The following THSD7B variants were observed in gnomAD, a reference collection of about 807,000 sequenced individuals.
THSD7B encodes thrombospondin type-1 domain-containing protein 7B.
Under a neutral mutation model 213.6 loss-of-function variants are expected in THSD7B, and 138 were observed. The observed-to-expected ratio is 0.65, with a 90% CI of 0.56 to 0.74. The LOEUF (loss-of-function observed/expected upper bound fraction) is 0.74, where lower values mean the gene tolerates loss of function less well. Ranked by LOEUF, THSD7B falls within the 30% of genes least tolerant of loss-of-function variation. The probability of loss-of-function intolerance (pLI) is 0.00; values close to 1 mark genes in which losing one functional copy is unlikely to be tolerated. For synonymous variants in THSD7B, 742 were observed against 687.0 expected (o/e 1.08, Z -1.25); for missense variants, 1,931 against 1,991.5 (o/e 0.97, Z 0.58).
rs564521179 is a variant in THSD7B, at chr2:137,487,497, C to T, written c.3138+36474C>T. On this transcript the variant is annotated intron_variant, in intron 15 of 27. Transcript: ENST00000409968. ...CTGAAGGAAATAGAGACACAAAAAACCCTTCAAAAATTTAATGAATCCAGG... is the reference window on the plus strand; with the variant it reads ...CTGAAGGAAATAGAGACACAAAAAATCCTTCAAAAATTTAATGAATCCAGG... Among the ~76,000 whole-genome samples, 360 of 150,140 alleles carry T rather than the reference C, an allele frequency of 2.4e-3. 1 individual carries two copies. Among genetic ancestry groups the T allele is most frequent in the Middle Eastern group, 6.9e-3 (2 of 290 alleles).
intron 27 of THSD7B, among the ~76,000 whole-genome samples, chr2:137,675,095 C>G (rs997583410): frequency 1.3e-5 from 2 of 151,940 alleles, no homozygotes; most frequent in Non-Finnish European, 2.9e-5. Context: ...AGACCAGATA[C>G]AGCATGATTC....
At chr2:136,860,358 C>A (rs149959761) in intron 1 of THSD7B, among the ~76,000 whole-genome samples, 1 of 152,220 alleles carries the variant, frequency 6.6e-6, no homozygotes, top group East Asian at 1.9e-4. Context: ...AAATTTATGT[C>A]ACCAGCCCAA....
chr2:137,096,366 G>GCCTGGCTCTTCCTGAAA (rs1688039874), intron 4 of THSD7B, among the ~76,000 whole-genome samples: 1 of 152,212 alleles, frequency 6.6e-6, no homozygotes, highest in African/African-American at 2.4e-5. Context: ...GTGGGCTGCA[G>GCCTGGCTCTTCCTGAAA]CCTGGCTCTT....
At chr2:137,235,734 G>A (rs892466767) in intron 9 of THSD7B, among the ~76,000 whole-genome samples, 6 of 152,144 alleles carry the variant, frequency 3.9e-5, no homozygotes, top group Non-Finnish European at 8.8e-5. Context: ...ACATAAGTGA[G>A]ACTAAAATAT....
At chr2:137,621,737 G>A (rs935805276) in intron 20 of THSD7B, among the ~76,000 whole-genome samples, 6 of 152,184 alleles carry the variant, frequency 3.9e-5, no homozygotes, top group Non-Finnish European at 7.4e-5. Context: ...CTGGTACACT[G>A]TTAGTACATC....
At chr2:136,787,767 T>C (rs1220081254) in intron 1 of THSD7B, among the ~76,000 whole-genome samples, 1 of 152,130 alleles carries the variant, frequency 6.6e-6, no homozygotes, top group African/African-American at 2.4e-5. Context: ...GTGATTTGCT[T>C]TATCCAGTGA....
In THSD7B at chr2:137,260,727, T is replaced by G. The variant is rs116787049; in HGVS notation, c.2267-11806T>G. ...ATGCAGTGAGTTATGATCTTGCCAC[T>G]GCATTCCAGCCTAGGTGACAGAGTG... is the stretch of plus-strand genomic sequence containing the variant. On this transcript the variant is annotated intron_variant, in intron 10 of 27. Coordinates refer to ENST00000409968, the MANE Select transcript of THSD7B (RefSeq NM_001316349.2). 2.9e-3 allele frequency among the ~76,000 whole-genome samples: 438 copies of G among 152,322 alleles called. 3 individuals carry two copies. Among genetic ancestry groups the G allele is most frequent in the African/African-American group, 0.01 (424 of 41,576 alleles).
At chr2:136,812,538 C>A (rs990097042) in intron 1 of THSD7B, among the ~76,000 whole-genome samples, 1 of 152,138 alleles carries the variant, frequency 6.6e-6, no homozygotes, top group African/African-American at 2.4e-5. Context: ...ATAATAAGAA[C>A]TACTATTTAT....
chr2:137,120,630 C>A (rs1330949170), intron 5 of THSD7B, among the ~76,000 whole-genome samples: 1 of 152,134 alleles, frequency 6.6e-6, no homozygotes, highest in Admixed American at 6.6e-5. Flanking sequence ...TATCTTGAAC[C>A]TACACACTAA....
Position 137,112,363 on chromosome 2 carries a change from T to TAA in THSD7B, c.1200-2752_1200-2751dup, listed in dbSNP as rs35106366. Among the ~76,000 whole-genome samples the TAA allele has an allele frequency of 5.9e-4, 88 of 150,136 alleles. 1 individual carries two copies. The highest frequency in any genetic ancestry group is 1.5e-3 in the Admixed American group (22 of 15,132). On this transcript the variant is annotated intron_variant, in intron 4 of 27. Coordinates refer to ENST00000409968, the MANE Select transcript of THSD7B (RefSeq NM_001316349.2). ...TAGGTTGATATTTTCTCTGAGGTGG[T>TAA]AAAAAAAAAATAGCAATAGTGATAA...
At chr2:136,958,334 AT>A (rs1040471125) in intron 2 of THSD7B, among the ~76,000 whole-genome samples, 39 of 152,352 alleles carry the variant, frequency 2.6e-4, no homozygotes, top group Admixed American at 1.9e-3. Context: ...CACTGGGAAA[AT>A]AACTTAGTGG....
intron 20 of THSD7B, among the ~76,000 whole-genome samples, chr2:137,632,319 T>C (rs1476836567): frequency 1.3e-5 from 2 of 152,216 alleles, no homozygotes; most frequent in Admixed American, 6.5e-5. Context: ...TTAAACCTTC[T>C]AAATATGTTC....
At chr2:137,149,990 C>A (rs2104973502) in intron 5 of THSD7B, among the ~76,000 whole-genome samples, 1 of 152,134 alleles carries the variant, frequency 6.6e-6, no homozygotes, top group South Asian at 2.1e-4. Flanking sequence ...GCCTGTAATC[C>A]CAGCAGTTTG....
chr2:137,648,151 A>G (rs1365506000), intron 21 of THSD7B, among the ~76,000 whole-genome samples: 1 of 152,200 alleles, frequency 6.6e-6, no homozygotes, highest in African/African-American at 2.4e-5. Flanking sequence ...ATAACTTAGT[A>G]TATTCATATA....
At chr2:136,920,801 C>T (rs528401) in intron 2 of THSD7B, among the ~76,000 whole-genome samples, 4 of 151,958 alleles carry the variant, frequency 2.6e-5, no homozygotes, top group South Asian at 4.2e-4. Flanking sequence ...TCCTGTGCTT[C>T]TTGGCACCCA....
intron 12 of THSD7B, among the ~76,000 whole-genome samples, chr2:137,401,320 G>A (rs904462052): frequency 1.3e-5 from 2 of 152,096 alleles, no homozygotes; most frequent in African/African-American, 2.4e-5. Flanking sequence ...TCCTTTGTGT[G>A]TTTGTTTTGT....
intron 21 of THSD7B, among the ~76,000 whole-genome samples, chr2:137,649,911 C>T (rs1304357015): frequency 6.6e-6 from 1 of 151,542 alleles, no homozygotes; most frequent in African/African-American, 2.4e-5. Flanking sequence ...GCTTGGGTAA[C>T]ATAGTGAGAC....
At chr2:136,811,554 C>T (rs900994154) in intron 1 of THSD7B, among the ~76,000 whole-genome samples, 3 of 152,026 alleles carry the variant, frequency 2.0e-5, no homozygotes, top group African/African-American at 7.2e-5. Context: ...TTCCTCAGCT[C>T]TCCTTTGGCC....
intron 1 of THSD7B, among the ~76,000 whole-genome samples, chr2:136,819,541 A>G (rs545638481): frequency 2.0e-5 from 3 of 152,078 alleles, no homozygotes; most frequent in South Asian, 4.1e-4. Flanking sequence ...CTTATCCTCA[A>G]TGTACTGGGG....
Sources: gnomAD v4.1 joint callset for allele counts (sites outside exome capture counted in the v4.1 genomes callset) on GRCh38, gnomAD v4.1.1 for gene constraint, MANE v1.5 for transcripts, NCBI Gene and HGNC (gene_info 2026-07-23, HGNC 2026-07-21) for gene names.